Variants in DPP4 observed in about 807,000 individuals in gnomAD.
The protein encoded by DPP4 is dipeptidyl peptidase 4.
Under a neutral mutation model 122.4 loss-of-function variants are expected in DPP4, and 93 were observed. The observed-to-expected ratio is 0.76, with a 90% CI of 0.64 to 0.90. The LOEUF is 0.90. DPP4 is among the 40% of genes least tolerant of loss of function. The probability of loss-of-function intolerance (pLI) is 0.00; values close to 1 mark genes in which losing one functional copy is unlikely to be tolerated. For missense variants in DPP4, 914 were observed against 907.3 expected, an observed-to-expected ratio of 1.01 and a Z score of -0.09; for synonymous variants, 321 against 302.9, an observed-to-expected ratio of 1.06 and a Z score of -0.62.
intron 23 of DPP4, among the ~76,000 whole-genome samples, chr2:161,999,151 T>C (rs551121679): frequency 6.6e-6 from 1 of 152,252 alleles, no homozygotes; most frequent in Admixed American, 6.5e-5. Context: ...TCTGGAACCA[T>C]TGATCATTCC....
At chr2:162,033,721 A>T in intron 9 of DPP4, 68 bp from the exon 10 acceptor site, 2 of 1,029,808 alleles carry the variant, frequency 1.9e-6, no homozygotes, top group Non-Finnish European at 2.9e-6. Flanking sequence ...CACACATTTT[A>T]AAACTGCACA....
rs776653488 is a variant in DPP4, at chr2:161,993,259, T to TA, written c.*23dup. On this transcript the variant is annotated 3_prime_UTR_variant, in exon 26 of 26. Transcript: ENST00000360534. ...AACAAAAATGAGTTTTAATAAGCTTTAAATGGCATGGTATTTTGAGGTGCT... is the reference window on the plus strand; with the variant it reads ...AACAAAAATGAGTTTTAATAAGCTTTAAAATGGCATGGTATTTTGAGGTGCT... 1.9e-6 allele frequency: 3 copies of TA among 1,562,582 alleles called. No individual in the cohort carries two copies. The South Asian group carries it at 3.3e-5, about 17-fold the overall frequency.
At chr2:161,994,528 G>A (rs182792309) in intron 25 of DPP4, among the ~76,000 whole-genome samples, 117 of 152,302 alleles carry the variant, frequency 7.7e-4, no homozygotes, top group African/African-American at 2.6e-3. Flanking sequence ...ACTGAAGCAT[G>A]CTGATTATTA....
rs949455708 is a variant in DPP4, at chr2:162,061,722, C to A, written c.94+11677G>T. Among the ~76,000 whole-genome samples, 5 of 152,240 alleles carry A rather than the reference C, an allele frequency of 3.3e-5. No individual in the cohort carries two copies. The East Asian group carries it at 7.7e-4, about 24-fold the overall frequency. ...TCTTGCCTGAGCTCCAAGATAATTT[C>A]TTTAATTCACCAAATATTTACTTAG... On this transcript the variant is annotated intron_variant, in intron 2 of 25. Transcript: ENST00000360534.
At chr2:162,055,878 G>C (rs1173293030) in intron 2 of DPP4, among the ~76,000 whole-genome samples, 2 of 152,088 alleles carry the variant, frequency 1.3e-5, no homozygotes, top group Admixed American at 1.3e-4. Flanking sequence ...CATCTTAATG[G>C]GGTTTAGTTC....
At chr2:162,068,736 C>T (rs1685025933) in intron 2 of DPP4, among the ~76,000 whole-genome samples, 1 of 152,138 alleles carries the variant, frequency 6.6e-6, no homozygotes, top group Non-Finnish European at 1.5e-5. Flanking sequence ...ACTACTAATA[C>T]TACTAAACAG....
At chr2:161,999,059 G>A (rs2106072827) in intron 23 of DPP4, among the ~76,000 whole-genome samples, 1 of 152,290 alleles carries the variant, frequency 6.6e-6, no homozygotes, top group South Asian at 2.1e-4. Context: ...AGAGGCAGCT[G>A]AGAGACATAC....
intron 21 of DPP4, 135 bp from the exon 22 acceptor site, chr2:162,008,796 T>A (rs1701348050): frequency 1.4e-6 from 1 of 726,414 alleles, no homozygotes; most frequent in Admixed American, 2.4e-5. Context: ...ATAGGAGGCT[T>A]AAATTGGCCT....
intron 2 of DPP4, among the ~76,000 whole-genome samples, chr2:162,066,483 T>C (rs1402296970): frequency 3.3e-5 from 5 of 152,216 alleles, no homozygotes; most frequent in African/African-American, 1.2e-4. Flanking sequence ...CGGTCCTCTC[T>C]ATCCCACTTG....
At chr2:162,015,642 C>T (rs1682883842) in intron 18 of DPP4, among the ~76,000 whole-genome samples, 1 of 151,990 alleles carries the variant, frequency 6.6e-6, no homozygotes, top group Admixed American at 6.6e-5. Flanking sequence ...ACCTACCTTT[C>T]ATCCCTCCTT....
At position 162,020,288 on chromosome 2, in the gene DPP4, T is replaced by C. The variant is rs778748997; in HGVS notation, c.1185A>G (p.Thr395=). ...CYFQIDKKDC[T]FITKGTWEVI... is the part of the protein sequence containing the mutation. The stretch of plus-strand genomic sequence containing the variant: ...CTTCCCAGGTGCCTTTTGTAATAAA[T>C]GTGCAGTCCTGATGGTTTTTTTTTT... The change falls in exon 14 of 26, where the codon ACA becomes ACG. Residue 395 remains threonine (T), a synonymous_variant. Transcript: ENST00000360534. 1 of 1,597,534 alleles carries C rather than the reference T, an allele frequency of 6.3e-7. No individual in the cohort carries two copies. Among genetic ancestry groups the C allele is most frequent in the Non-Finnish European group, 8.5e-7 (1 of 1,174,046 alleles).
chr2:161,997,041 A>T (rs941977177), intron 23 of DPP4, among the ~76,000 whole-genome samples: 3 of 152,248 alleles, frequency 2.0e-5, no homozygotes, highest in African/African-American at 4.8e-5. Flanking sequence ...AAGACATTTT[A>T]TCTACGACTT....
chr2:162,020,246 A>G lies in DPP4; in HGVS notation c.1227T>C (p.Ala409=), dbSNP rs1360229404. The G allele has an allele frequency of 6.2e-7, 1 of 1,610,926 alleles. No individual in the cohort carries two copies. Among genetic ancestry groups the G allele is most frequent in the South Asian group, 1.1e-5 (1 of 90,832 alleles). ...KGTWEVIGIE[A]LTSDYLYYIS... is the part of the protein sequence containing the mutation. ...ATACTCACAGATAATCACTGGTTAG[A>G]GCTTCTATCCCGATGACTTCCCAGG... Residue 409 remains alanine, a synonymous_variant, in exon 14 of 26, where the codon GCT becomes GCC. Transcript: ENST00000360534.
chr2:162,039,769 A>T (rs867741280), intron 5 of DPP4, among the ~76,000 whole-genome samples: 15 of 152,056 alleles, frequency 9.9e-5, no homozygotes, highest in Middle Eastern at 6.8e-3. Context: ...ATTTTTTTTT[A>T]AAAAGGAAGT....
At chr2:162,016,938 G>A in intron 17 of DPP4, 72 bp from the exon 18 acceptor site, 2 of 1,477,676 alleles carry the variant, frequency 1.4e-6, no homozygotes, top group East Asian at 2.3e-5. Flanking sequence ...GCAATAATGA[G>A]CAAACATGAA....
intron 18 of DPP4, among the ~76,000 whole-genome samples, chr2:162,015,157 T>TA (rs1300504825): frequency 1.3e-5 from 2 of 152,194 alleles, no homozygotes; most frequent in African/African-American, 2.4e-5. Context: ...AATAGATCTA[T>TA]AAAAAAGTGT....
At chr2:162,073,762 C>T (rs1159975818) in intron 1 of DPP4, among the ~76,000 whole-genome samples, 1 of 152,104 alleles carries the variant, frequency 6.6e-6, no homozygotes, top group African/African-American at 2.4e-5. Context: ...CTCTCCGGGA[C>T]ATTCAAAGCT....
intron 5 of DPP4, among the ~76,000 whole-genome samples, chr2:162,040,419 A>G (rs982367013): frequency 6.6e-6 from 1 of 152,162 alleles, no homozygotes; most frequent in African/African-American, 2.4e-5. Context: ...ACATGGAGGA[A>G]TCTCAAACAC....
intron 23 of DPP4, among the ~76,000 whole-genome samples, chr2:162,002,892 A>T (rs1701187071): frequency 6.6e-6 from 1 of 152,174 alleles, no homozygotes. Context: ...ACTTAGATTC[A>T]GTTCTCCACA....
Sources: allele counts gnomAD v4.1 joint callset (sites outside exome capture counted in the v4.1 genomes callset), GRCh38; gene constraint gnomAD v4.1.1; transcripts MANE v1.5; gene names NCBI Gene and HGNC (gene_info 2026-07-23, HGNC 2026-07-21).